GRM5: variants seen among roughly 807,000 people sequenced by gnomAD.
The protein encoded by GRM5 is metabotropic glutamate receptor 5.
GRM5 carries 19 observed loss-of-function variants against 83.1 expected under a neutral mutation model. The observed-to-expected ratio is 0.23, with a 90% CI of 0.16 to 0.34. GRM5 has a LOEUF of 0.34. GRM5 is among the 10% of genes least tolerant of loss of function. GRM5 has a pLI of 1.00. For synonymous variants in GRM5, 675 were observed against 633.6 expected (o/e 1.07, Z -0.98); for missense variants, 1,160 against 1,588.3 (o/e 0.73, Z 4.58).
chr11:88,668,891 T>G (rs1940121361), intron 3 of GRM5, among the ~76,000 whole-genome samples: 1 of 152,194 alleles, frequency 6.6e-6, no homozygotes. Flanking sequence ...AGTTGAATCA[T>G]GAAGTATTTG....
intron 3 of GRM5, among the ~76,000 whole-genome samples, chr11:88,803,066 C>A (rs1258996779): frequency 1.4e-5 from 2 of 140,136 alleles, no homozygotes; most frequent in Non-Finnish European, 1.5e-5. Context: ...ACATTCCATG[C>A]TCATGGGTAG....
chr11:88,895,304 C>A lies in GRM5; in HGVS notation c.662-45149G>T, dbSNP rs562772969. Among the ~76,000 whole-genome samples the A allele has an allele frequency of 3.3e-5, 5 of 151,928 alleles. No homozygotes were observed. The South Asian group carries it at 8.3e-4, about 25-fold the overall frequency. On this transcript the variant is annotated intron_variant, in intron 2 of 9. Coordinates refer to ENST00000305447, the MANE Select transcript of GRM5 (RefSeq NM_001143831.3). ...TTCCTCATCAGTAAAGTGGAGGTAA[C>A]CCTACATCCTAGTTAGGCTATAAAG...
chr11:88,828,317 C>T (rs1016338405), intron 3 of GRM5, among the ~76,000 whole-genome samples: 12 of 152,086 alleles, frequency 7.9e-5, no homozygotes, highest in Non-Finnish European at 1.6e-4. Flanking sequence ...ACCATCTAAA[C>T]CAGAATCCAG....
intron 3 of GRM5, among the ~76,000 whole-genome samples, chr11:88,790,568 T>C (rs1463624638): frequency 6.6e-6 from 1 of 152,118 alleles, no homozygotes; most frequent in Non-Finnish European, 1.5e-5. Context: ...GAAGGTATGA[T>C]AACTAATTTA....
Position 89,051,148 on chromosome 11 carries a change from C to A in GRM5, c.-200-3076G>T, listed in dbSNP as rs532662448. On this transcript the variant is annotated intron_variant, in intron 1 of 9. Transcript: ENST00000305447. Reference sequence around the variant, plus strand: ...AAAAGAAAAGATAGTCCCAGCTACTCGGGAGGCTGAAGCAGGAGAATGGCG... The same window carrying A: ...AAAAGAAAAGATAGTCCCAGCTACTAGGGAGGCTGAAGCAGGAGAATGGCG... Among the ~76,000 whole-genome samples, 153 of 151,910 alleles carry A rather than the reference C, an allele frequency of 1.0e-3. 3 individuals carry two copies. The South Asian group carries it at 0.011, about 11-fold the overall frequency.
chr11:88,517,996 C>T (rs1439352989), intron 9 of GRM5, among the ~76,000 whole-genome samples: 3 of 151,926 alleles, frequency 2.0e-5, no homozygotes, highest in Non-Finnish European at 4.4e-5. Context: ...AGGCTTTGAC[C>T]AGCTCCTCCT....
intron 3 of GRM5, among the ~76,000 whole-genome samples, chr11:88,805,039 A>G (rs1030544242): frequency 1.3e-5 from 2 of 152,168 alleles, no homozygotes. Context: ...TTTTGTACAG[A>G]CTATTTCCTG....
intron 2 of GRM5, among the ~76,000 whole-genome samples, chr11:89,001,595 C>A (rs190708805): frequency 6.6e-6 from 1 of 152,108 alleles, no homozygotes; most frequent in East Asian, 1.9e-4. Flanking sequence ...CATGAAGGAT[C>A]TTTGTGGTGG....
chr11:89,061,199 T>C (rs1389324835), intron 1 of GRM5, among the ~76,000 whole-genome samples: 2 of 152,154 alleles, frequency 1.3e-5, no homozygotes, highest in African/African-American at 4.8e-5. Flanking sequence ...TACGTATACA[T>C]AATACAATAA....
chr11:88,910,162 T>C (rs1280096376), intron 2 of GRM5, among the ~76,000 whole-genome samples: 1 of 152,080 alleles, frequency 6.6e-6, no homozygotes, highest in Non-Finnish European at 1.5e-5. Flanking sequence ...ATAATTGAAA[T>C]CATACAATAT....
At chr11:88,623,300 T>C in intron 4 of GRM5, among the ~76,000 whole-genome samples, 1 of 151,028 alleles carries the variant, frequency 6.6e-6, no homozygotes, top group East Asian at 1.9e-4. Context: ...TTTGTAATTT[T>C]TTGTATTTTT....
chr11:88,895,966 G>T (rs1945222832), intron 2 of GRM5, among the ~76,000 whole-genome samples: 1 of 151,972 alleles, frequency 6.6e-6, no homozygotes, highest in South Asian at 2.1e-4. Flanking sequence ...CACTAGAATT[G>T]AGAAAAGTAA....
chr11:88,931,226 C>A (rs868130255), intron 2 of GRM5, among the ~76,000 whole-genome samples: 35 of 151,664 alleles, frequency 2.3e-4, no homozygotes, highest in Admixed American at 1.5e-3. Context: ...AAAAGCATTA[C>A]AAATAAAACA....
At chr11:88,894,869 A>G (rs1378623230) in intron 2 of GRM5, among the ~76,000 whole-genome samples, 1 of 151,946 alleles carries the variant, frequency 6.6e-6, no homozygotes, top group Non-Finnish European at 1.5e-5. Flanking sequence ...CAATGTGAAG[A>G]TTGTCATCAA....
rs566749800 is a variant in GRM5 at position 88,765,783 on chromosome 11, G to T, written c.911+84123C>A. 2.0e-5 allele frequency among the ~76,000 whole-genome samples: 3 copies of T among 151,848 alleles called. No individual in the cohort carries two copies. In the South Asian group the frequency reaches 6.2e-4, roughly 32 times the overall value. ...AAATGCTTCATGGCATTGTATTTGGGAATGATTTGTTGGATATAACATCAA... is the reference window on the plus strand; with the variant it reads ...AAATGCTTCATGGCATTGTATTTGGTAATGATTTGTTGGATATAACATCAA... On this transcript the variant is annotated intron_variant, in intron 3 of 9. Coordinates refer to ENST00000305447, the MANE Select transcript of GRM5 (RefSeq NM_001143831.3).
At chr11:88,979,711 T>C (rs1156575524) in intron 2 of GRM5, among the ~76,000 whole-genome samples, 4 of 152,220 alleles carry the variant, frequency 2.6e-5, no homozygotes, top group Non-Finnish European at 5.9e-5. Context: ...GATGCTTCTG[T>C]GAATTCCTGT....
chr11:88,878,649 T>G (rs1331779079), intron 2 of GRM5, among the ~76,000 whole-genome samples: 1 of 152,142 alleles, frequency 6.6e-6, no homozygotes, highest in African/African-American at 2.4e-5. Context: ...CCAAAATCCA[T>G]TAGGTGGCTA....
At chr11:88,542,195 G>A (rs971640361) in intron 8 of GRM5, among the ~76,000 whole-genome samples, 2 of 152,094 alleles carry the variant, frequency 1.3e-5, no homozygotes, top group African/African-American at 4.8e-5. Flanking sequence ...CCCTTTCACC[G>A]ATAAAAATAA....
At chr11:88,868,794 C>T (rs1944713528) in intron 2 of GRM5, among the ~76,000 whole-genome samples, 1 of 151,720 alleles carries the variant, frequency 6.6e-6, no homozygotes, top group East Asian at 1.9e-4. Flanking sequence ...GTCTCTATTG[C>T]CTATGTGGGC....
Sources: allele counts gnomAD v4.1 joint callset (sites outside exome capture counted in the v4.1 genomes callset), GRCh38; gene constraint gnomAD v4.1.1; transcripts MANE v1.5; gene names NCBI Gene and HGNC (gene_info 2026-07-23, HGNC 2026-07-21).